DLC1: variants seen among roughly 807,000 people sequenced by gnomAD.
DLC1 encodes the protein DLC1 Rho GTPase activating protein, also known as rho GTPase-activating protein 7.
In DLC1, 54 loss-of-function variants were observed where a neutral mutation model predicts 140.3. The ratio of observed to expected loss-of-function variants is 0.38; its 90% CI spans 0.31 to 0.48. The LOEUF (loss-of-function observed/expected upper bound fraction) is 0.48. Ranked by LOEUF, DLC1 falls within the 20% of genes least tolerant of loss-of-function variation. The probability of loss-of-function intolerance (pLI) is 0.96; values close to 1 mark genes in which losing one functional copy is unlikely to be tolerated. For missense variants in DLC1, 2,536 were observed against 1,907.0 expected, an observed-to-expected ratio of 1.33 and a Z score of -6.14; for synonymous variants, 986 against 728.1, an observed-to-expected ratio of 1.35 and a Z score of -5.70.
At chr8:13,485,410 C>T (rs1264974830) in intron 2 of DLC1, among the ~76,000 whole-genome samples, 2 of 152,174 alleles carry the variant, frequency 1.3e-5, no homozygotes, top group Non-Finnish European at 2.9e-5. Flanking sequence ...TGCCACCCTA[C>T]CCTATTTTCT....
intron 5 of DLC1, among the ~76,000 whole-genome samples, chr8:13,303,980 A>G (rs1439159084): frequency 1.3e-5 from 2 of 152,044 alleles, no homozygotes; most frequent in Non-Finnish European, 2.9e-5. Context: ...TGACCAGCCA[A>G]CAACTCACAT....
chr8:13,221,726 G>GTATATA (rs377039517), intron 5 of DLC1, among the ~76,000 whole-genome samples: 17 of 132,420 alleles, frequency 1.3e-4, no homozygotes, highest in African/African-American at 3.2e-4. Flanking sequence ...GTGTGTGTGT[G>GTATATA]TATATATATA....
intron 5 of DLC1, among the ~76,000 whole-genome samples, chr8:13,299,124 G>C (rs1224070111): frequency 1.3e-5 from 2 of 151,522 alleles, no homozygotes; most frequent in Non-Finnish European, 2.9e-5. Context: ...GGGATTAAAT[G>C]AAACTATTTT....
At chr8:13,307,850 A>T (rs1487009670) in intron 4 of DLC1, among the ~76,000 whole-genome samples, 1 of 152,218 alleles carries the variant, frequency 6.6e-6, no homozygotes, top group East Asian at 1.9e-4. Flanking sequence ...GCAAGGCACA[A>T]TACAGGCATG....
intron 1 of DLC1, chr8:13,584,625 TG>T (rs1805237103): frequency 6.6e-6 from 1 of 152,158 alleles, no homozygotes; most frequent in African/African-American, 2.4e-5. Context: ...GTAGAAGTCA[TG>T]CTTTATGGGT....
chr8:13,149,385 A>C (rs927099829), intron 5 of DLC1, among the ~76,000 whole-genome samples: 1 of 152,190 alleles, frequency 6.6e-6, no homozygotes, highest in African/African-American at 2.4e-5. Flanking sequence ...CTACCCCCAG[A>C]ACTTGCTCTG....
intron 5 of DLC1, among the ~76,000 whole-genome samples, chr8:13,120,356 A>AAAAAAAAATAAATATATATATATATAT: frequency 1.6e-5 from 1 of 61,124 alleles, no homozygotes; most frequent in African/African-American, 4.2e-5. Flanking sequence ...AAAAAAAAAA[A>AAAAAAAAATAAATATATATATATATAT]ATATATATAT....
In DLC1 at chr8:13,360,278, C is replaced by G. The variant is rs563888592; in HGVS notation, c.1314+33275G>C. 5.3e-4 allele frequency among the ~76,000 whole-genome samples: 80 copies of G among 152,310 alleles called. 2 individuals carry two copies. The South Asian group carries it at 0.016, about 31-fold the overall frequency. ...CAGAACGAACACTCAATAGACCAGC[C>G]TGCACATTAGAATCACATGGAGAAA... On this transcript the variant is annotated intron_variant, in intron 4 of 17. Coordinates refer to ENST00000276297, the MANE Select transcript of DLC1 (RefSeq NM_182643.3).
intron 12 of DLC1, among the ~76,000 whole-genome samples, chr8:13,093,513 C>T (rs1008571759): frequency 1.2e-4 from 18 of 152,010 alleles, no homozygotes; most frequent in Admixed American, 2.0e-4. Context: ...TGCAAATAAA[C>T]CCATAAACAA....
At chr8:13,287,541 A>T (rs1729132) in intron 5 of DLC1, among the ~76,000 whole-genome samples, 102,884 of 152,102 alleles carry the variant, frequency 0.68, 35,231 homozygotes, top group East Asian at 0.93. Flanking sequence ...TGTGAAGTTT[A>T]AAAATCAGCC....
chr8:13,455,126 T>C (rs1420822743), intron 2 of DLC1, among the ~76,000 whole-genome samples: 2 of 152,184 alleles, frequency 1.3e-5, no homozygotes, highest in African/African-American at 4.8e-5. Context: ...ACACTTTTCA[T>C]ATAAATCAAA....
At chr8:13,505,084 C>A (rs1423997159) in intron 1 of DLC1, among the ~76,000 whole-genome samples, 5 of 151,962 alleles carry the variant, frequency 3.3e-5, no homozygotes, top group Non-Finnish European at 7.4e-5. Flanking sequence ...ATAGAGAACA[C>A]TAGGGATATC....
At chr8:13,205,231 G>A (rs569994897) in intron 5 of DLC1, among the ~76,000 whole-genome samples, 64 of 152,288 alleles carry the variant, frequency 4.2e-4, no homozygotes, top group African/African-American at 1.4e-3. Flanking sequence ...CTAAGGCAGG[G>A]CTTCTGAAAA....
Position 13,100,535 on chromosome 8 carries a change from C to A in DLC1, c.1802G>T (p.Gly601Val), listed in dbSNP as rs1212483117. 1.9e-6 allele frequency: 3 copies of A among 1,612,760 alleles called. No homozygotes were observed. Among genetic ancestry groups the A allele is most frequent in the Non-Finnish European group, 2.5e-6 (3 of 1,179,862 alleles). ...GGGGGGCGCGTGGCTGGGGAGGCTG[C>A]CAGTGCTGCTGAGGCTGCGGACGGA... Reference protein sequence around the residue: ...VSSVRSLSSTGSLPSHAPPSE... With the variant: ...VSSVRSLSSTVSLPSHAPPSE... Residue 601 changes from glycine to valine, a missense_variant, in exon 9 of 18, where the codon GGC becomes GTC. Transcript: ENST00000276297.
chr8:13,272,767 G>A (rs1026547732), intron 5 of DLC1, among the ~76,000 whole-genome samples: 28 of 152,214 alleles, frequency 1.8e-4, no homozygotes, highest in East Asian at 7.8e-4. Context: ...CCAGCTGCTC[G>A]GGAGGCTGAG....
At chr8:13,319,540 G>T (rs1227124270) in intron 4 of DLC1, among the ~76,000 whole-genome samples, 1 of 151,360 alleles carries the variant, frequency 6.6e-6, no homozygotes, top group Admixed American at 6.6e-5. Flanking sequence ...ACAAAATCTG[G>T]TTGTTTAAAA....
chr8:13,330,538 T>C (rs955648899), intron 4 of DLC1, among the ~76,000 whole-genome samples: 4 of 152,148 alleles, frequency 2.6e-5, no homozygotes, highest in Non-Finnish European at 5.9e-5. Flanking sequence ...CAAATATTAA[T>C]TCTAGATAAT....
At chr8:13,464,848 A>G (rs1799858969) in intron 2 of DLC1, among the ~76,000 whole-genome samples, 1 of 150,082 alleles carries the variant, frequency 6.7e-6, no homozygotes, top group Non-Finnish European at 1.5e-5. Flanking sequence ...AATGTATAAT[A>G]CTTGGAAACT....
intron 4 of DLC1, among the ~76,000 whole-genome samples, chr8:13,366,022 T>G (rs1406673727): frequency 1.3e-5 from 2 of 152,166 alleles, no homozygotes; most frequent in East Asian, 3.9e-4. Context: ...GGAAAAGTGA[T>G]CCTTCAGTCA....
Sources: gnomAD v4.1 joint callset for allele counts (sites outside exome capture counted in the v4.1 genomes callset) on GRCh38, gnomAD v4.1.1 for gene constraint, MANE v1.5 for transcripts, NCBI Gene and HGNC (gene_info 2026-07-23, HGNC 2026-07-21) for gene names.